The following FKBP14 variants were observed in gnomAD, a reference collection of about 807,000 sequenced individuals.
The protein encoded by FKBP14 is FKBP prolyl isomerase 14, also known as peptidyl-prolyl cis-trans isomerase FKBP14.
A neutral mutation model predicts 21.6 loss-of-function variants in FKBP14; 20 were observed. The ratio of observed to expected loss-of-function variants is 0.92; its 90% CI spans 0.65 to 1.34. The LOEUF is 1.34. Ranked by LOEUF, FKBP14 falls within the 40% of genes most tolerant of loss-of-function variation. The pLI, the probability that FKBP14 is intolerant of heterozygous loss-of-function variation, is 0.00. For synonymous variants in FKBP14, 79 were observed against 86.7 expected, an observed-to-expected ratio of 0.91 and a Z score of 0.49; for missense variants, 253 against 249.0, an observed-to-expected ratio of 1.02 and a Z score of -0.11.
downstream of FKBP14, chr7:30,010,524 C>G (rs932067880): frequency 6.6e-6 from 1 of 152,124 alleles, no homozygotes; most frequent in Non-Finnish European, 1.5e-5. Flanking sequence ...TTTAGAATAA[C>G]AGGTAAGAAA....
chr7:30,014,981 T>C (rs1286984636), intron 3 of FKBP14, 88 bp from the exon 4 acceptor site: 2 of 782,742 alleles, frequency 2.6e-6, no homozygotes, highest in Non-Finnish European at 3.8e-6. Flanking sequence ...ACTGTTATTA[T>C]ATTTAGTTCA....
downstream of FKBP14, among the ~76,000 whole-genome samples, chr7:30,009,990 CTG>C (rs1789685054): frequency 6.6e-6 from 1 of 152,086 alleles, no homozygotes; most frequent in Admixed American, 6.6e-5. Context: ...AAGAGCGAAA[CTG>C]TGTCTCAACA....
chr7:30,007,932 C>T (rs1317074547), downstream of FKBP14, among the ~76,000 whole-genome samples: 1 of 152,070 alleles, frequency 6.6e-6, no homozygotes, highest in Non-Finnish European at 1.5e-5. Context: ...ACCTTTAGTC[C>T]CAGCTACTTG....
chr7:30,020,704 G>T (rs1289189556), intron 2 of FKBP14, among the ~76,000 whole-genome samples: 1 of 152,134 alleles, frequency 6.6e-6, no homozygotes, highest in Non-Finnish European at 1.5e-5. Context: ...TCAGACTGCA[G>T]TTGACCACAG....
At position 30,026,541 on chromosome 7, in the gene FKBP14, AG is replaced by A; in HGVS notation, c.-34del. The A allele has an allele frequency of 6.3e-7, 1 of 1,579,084 alleles. No homozygotes were observed. The highest frequency in any genetic ancestry group is 8.6e-7 in the Non-Finnish European group (1 of 1,163,314). Reference sequence around the variant, plus strand: ...AAGCAAGGAAAGAAGTCCCTACAAAAGCAGCGAAAGGTCCCTCGACTTCATA... The same window carrying A: ...AAGCAAGGAAAGAAGTCCCTACAAAACAGCGAAAGGTCCCTCGACTTCATA... On this transcript the variant is annotated 5_prime_UTR_variant, in exon 1 of 4. It removes the in-frame stop codon of an upstream open reading frame in the 5' UTR. Transcript: ENST00000222803.
chr7:30,026,386 C>G lies in FKBP14; in HGVS notation c.123G>C (p.Lys41Asn). Residue 41 changes from lysine (K) to asparagine (N), a missense_variant, in exon 1 of 4, where the codon AAG becomes AAC. Physicochemically the swap from Lys to Asn is moderately conservative, Grantham distance 94 (BLOSUM62 0). Transcript: ENST00000222803. ...VLQKPFICHR[K>N]TKGGDLMLVH... ...CCAACATCAAATCCCCTCCTTTGGT[C>G]TTGCGATGGCAGATGAATGGCTTCT... is the stretch of plus-strand genomic sequence containing the variant. 1 of 1,614,190 alleles carries G rather than the reference C, an allele frequency of 6.2e-7. No homozygotes were observed. Among genetic ancestry groups the G allele is most frequent in the Non-Finnish European group, 8.5e-7 (1 of 1,180,022 alleles).
downstream of FKBP14, among the ~76,000 whole-genome samples, chr7:30,007,491 A>G (rs377139016): frequency 6.6e-6 from 1 of 152,192 alleles, no homozygotes; most frequent in Non-Finnish European, 1.5e-5. Flanking sequence ...TACAGGCGTG[A>G]GCCACTGCGC....
rs1244678797 is a variant in FKBP14, at chr7:30,012,575, A to G, written c.*2160T>C. The stretch of plus-strand genomic sequence containing the variant: ...AGAACTTTATGTTTTACTGAGGAAA[A>G]TGTCAACATATAATCAGTGAAAGTG... On this transcript the variant is annotated 3_prime_UTR_variant, in exon 4 of 4. Coordinates refer to ENST00000222803, the MANE Select transcript of FKBP14 (RefSeq NM_017946.4). The G allele has an allele frequency of 1.3e-5, 2 of 152,224 alleles. No individual in the cohort carries two copies. The highest frequency in any genetic ancestry group is 2.9e-5 in the Non-Finnish European group (2 of 68,038). The allele number at this position is 152,224 out of a possible 1,614,324, so 9.4% of individuals were successfully genotyped here. A position where few individuals can be genotyped will look rare whatever the true frequency, so the allele number is the denominator to read the frequency against.
At chr7:30,010,135 T>G (rs986860825), downstream of FKBP14, among the ~76,000 whole-genome samples, 3 of 152,170 alleles carry the variant, frequency 2.0e-5, no homozygotes, top group African/African-American at 4.8e-5. Flanking sequence ...CAGAAATCAT[T>G]GTTTCTCGTT....
rs1026414421 is a variant in FKBP14 at position 30,011,893 on chromosome 7, A to G, written c.*2842T>C. The G allele has an allele frequency of 1.3e-5, 2 of 152,102 alleles. No individual in the cohort carries two copies. Among genetic ancestry groups the G allele is most frequent in the African/African-American group, 2.4e-5 (1 of 41,390 alleles). The allele number at this position is 152,102 out of a possible 1,614,324, so 9.4% of individuals were successfully genotyped here. On this transcript the variant is annotated 3_prime_UTR_variant, in exon 4 of 4. Coordinates refer to ENST00000222803, the MANE Select transcript of FKBP14 (RefSeq NM_017946.4). Reference sequence around the variant, plus strand: ...ACAAAATCTTTTATACCATATTGTTATTGTTGTAGTATCTTTTCTGTGTTT... The same window carrying G: ...ACAAAATCTTTTATACCATATTGTTGTTGTTGTAGTATCTTTTCTGTGTTT...
downstream of FKBP14, among the ~76,000 whole-genome samples, chr7:30,009,643 A>G (rs1178103096): frequency 6.6e-6 from 1 of 152,086 alleles, no homozygotes; most frequent in Non-Finnish European, 1.5e-5. Flanking sequence ...TCACCCATAT[A>G]TACACAGTTC....
intron 2 of FKBP14, among the ~76,000 whole-genome samples, chr7:30,019,666 A>G (rs1355076042): frequency 6.6e-6 from 1 of 152,126 alleles, no homozygotes; most frequent in Admixed American, 6.5e-5. Flanking sequence ...CTAAGCCTCA[A>G]TTTCCTCATC....
At position 30,026,542 on chromosome 7, in the gene FKBP14, G is replaced by A. The variant is rs750622622; in HGVS notation, c.-34C>T. On this transcript the variant is annotated 5_prime_UTR_variant, in exon 1 of 4. Coordinates refer to ENST00000222803, the MANE Select transcript of FKBP14 (RefSeq NM_017946.4). ...AGCAAGGAAAGAAGTCCCTACAAAA[G>A]CAGCGAAAGGTCCCTCGACTTCATA... The A allele has an allele frequency of 3.2e-6, 5 of 1,574,304 alleles. No homozygotes were observed. The African/African-American group carries it at 6.8e-5, about 22-fold the overall frequency.
chr7:30,018,914 G>A lies in FKBP14; in HGVS notation c.477+82C>T, dbSNP rs932990294. On this transcript the variant is annotated intron_variant, in intron 3 of 3. Transcript: ENST00000222803. ...AAATATACACATATTCATTTAAAAA[G>A]TGAGTTACAAAAACAAAACAAAACA... The A allele has an allele frequency of 2.8e-6, 4 of 1,430,138 alleles. No individual in the cohort carries two copies. In the African/African-American group the frequency reaches 5.8e-5, roughly 21 times the overall value. The allele number at this position is 1,430,138 out of a possible 1,614,324, so 88.6% of individuals were successfully genotyped here. A position where few individuals can be genotyped will look rare whatever the true frequency, so the allele number is the denominator to read the frequency against.
At chr7:30,022,857 C>G (rs747233477) in intron 1 of FKBP14, 41 bp from the exon 2 acceptor site, 6 of 1,567,308 alleles carry the variant, frequency 3.8e-6, no homozygotes, top group Non-Finnish European at 5.2e-6. Flanking sequence ...CTTATTAACT[C>G]TAAAAAATTT....
chr7:30,018,775 G>A (rs528833365), intron 3 of FKBP14, among the ~76,000 whole-genome samples: 2 of 152,284 alleles, frequency 1.3e-5, no homozygotes, highest in African/African-American at 4.8e-5. Context: ...TGCTTTTTAA[G>A]TCTTAATATA....
At chr7:30,015,783 G>A (rs1214990319) in intron 3 of FKBP14, among the ~76,000 whole-genome samples, 1 of 150,780 alleles carries the variant, frequency 6.6e-6, no homozygotes, top group East Asian at 2.0e-4. Flanking sequence ...CCGCCACCAC[G>A]CCCAGCTAAT....
intron 3 of FKBP14, among the ~76,000 whole-genome samples, chr7:30,015,447 T>A (rs892457808): frequency 6.7e-5 from 10 of 150,376 alleles, no homozygotes; most frequent in African/African-American, 2.2e-4. Context: ...ATTAAAAATA[T>A]ATATATATAT....
rs2127946638 is a variant in FKBP14, at chr7:30,014,810, A to T, written c.561T>A (p.Ile187=). 3 of 1,611,526 alleles carry T rather than the reference A, an allele frequency of 1.9e-6. No homozygotes were observed. Among genetic ancestry groups the T allele is most frequent in the Non-Finnish European group, 2.5e-6 (3 of 1,179,286 alleles). Residue 187 remains isoleucine (I), a synonymous_variant, in exon 4 of 4, where the codon ATT becomes ATA. Coordinates refer to ENST00000222803, the MANE Select transcript of FKBP14 (RefSeq NM_017946.4). ...ESHHDALVED[I]FDKEDEDKDG... The stretch of plus-strand genomic sequence containing the variant: ...CTTTGTCTTCATCTTCTTTATCAAA[A>T]ATATCCTCCACCAAAGCATCATGAT...
Sources: allele counts gnomAD v4.1 joint callset (sites outside exome capture counted in the v4.1 genomes callset), GRCh38; gene constraint gnomAD v4.1.1; transcripts MANE v1.5; gene names NCBI Gene and HGNC (gene_info 2026-07-23, HGNC 2026-07-21).